Variants in EVPL observed in about 807,000 individuals in gnomAD.
The protein encoded by EVPL is envoplakin, also known as 210 kDa cornified envelope precursor protein.
EVPL carries 94 observed loss-of-function variants against 129.7 expected under a neutral mutation model. The ratio of observed to expected loss-of-function variants is 0.72; its 90% CI spans 0.61 to 0.86. The LOEUF (loss-of-function observed/expected upper bound fraction) is 0.86. Among genes scored for constraint, EVPL ranks in the 40% least tolerant of loss-of-function variants. EVPL has a pLI of 0.00. For synonymous variants in EVPL, 1,172 were observed against 1,191.1 expected (o/e 0.98, Z 0.33); for missense variants, 2,625 against 2,721.1 (o/e 0.96, Z 0.79).
rs747437358 is a variant in EVPL at position 76,015,003 on chromosome 17, TC to T, written c.2134del (p.Glu712SerfsTer23). 1 of 1,596,630 alleles carries T rather than the reference TC, an allele frequency of 6.3e-7. No homozygotes were observed. The part of the protein sequence containing the change: ...ACAALQNNFQ[E>X]FCQDLPRQQR... The stretch of plus-strand genomic sequence containing the variant: ...CTGGCGAGGCAGGTCTTGGCAGAAC[TC>T]CTGGAAGTTGTTCTGCAGGGCAGCG... On this transcript the variant is annotated frameshift_variant, in exon 17 of 22. Transcript: ENST00000301607. LOFTEE classifies it high-confidence loss of function.
rs2066345975 is a variant in EVPL, at chr17:76,008,712, TC to T, written c.4492del (p.Glu1498SerfsTer26). 1 of 1,613,658 alleles carries T rather than the reference TC, an allele frequency of 6.2e-7. No homozygotes were observed. The highest frequency in any genetic ancestry group is 1.3e-5 in the African/African-American group (1 of 74,924). On this transcript the variant is annotated frameshift_variant, in exon 22 of 22. Coordinates refer to ENST00000301607, the MANE Select transcript of EVPL (RefSeq NM_001988.4). LOFTEE classifies it low-confidence loss of function (END_TRUNC). This position sits in a 1 kb window ranked among gnomAD's most constrained non-coding sequence, Gnocchi z 7.4. ...EKTQVTELNRECKNLQVQIDV... is the reference protein window; with the variant it reads ...EKTQVTELNRXCKNLQVQIDV... Reference sequence around the variant, plus strand: ...AATCTGGACCTGCAGGTTCTTGCACTCCCGATTCAGCTCGGTTACCTGGGTC... The same window carrying T: ...AATCTGGACCTGCAGGTTCTTGCACTCCGATTCAGCTCGGTTACCTGGGTC...
rs572832503 is a variant in EVPL at position 76,021,936 on chromosome 17, C to T, written c.738G>A (p.Gln246=). 2.2e-5 allele frequency: 34 copies of T among 1,558,898 alleles called. 1 individual carries two copies. In the African/African-American group the frequency reaches 3.2e-4, roughly 15 times the overall value. ...TRQLSALAEQ[Q]RRILQQDWSD... is the part of the protein sequence containing the mutation. ...TCCAGTCCTGCTGCAGGATGCGGCG[C>T]TGCTGCTCAGCCAGGGCGCTCAGCT... is the stretch of plus-strand genomic sequence containing the variant. Residue 246 remains glutamine, a synonymous_variant, in exon 7 of 22, where the codon CAG becomes CAA. Transcript: ENST00000301607.
In EVPL at chr17:76,018,967, G is replaced by A; in HGVS notation, c.1231C>T (p.Pro411Ser). 1 of 1,565,332 alleles carries A rather than the reference G, an allele frequency of 6.4e-7. No homozygotes were observed. Among genetic ancestry groups the A allele is most frequent in the Non-Finnish European group, 8.6e-7 (1 of 1,160,024 alleles). The change falls in exon 11 of 22, where the codon CCC becomes TCC. Residue 411 changes from proline to serine, a missense_variant. By Grantham distance (74) the Pro-to-Ser change is moderately conservative. Around this residue, in one of 4 missense-constraint regions of EVPL, gnomAD observed 1,024 missense variants for 997.5 expected, o/e 1.03. Transcript: ENST00000301607. ...DVAPLPQRRN[P>S]PQQPLHVDSI... is the part of the protein sequence containing the mutation. ...TCCACGTGCAGGGGCTGCTGAGGGG[G>A]GTTTCTTCGCTGTGGCAGAGGGGCC... is the stretch of plus-strand genomic sequence containing the variant.
rs2066344600 is a variant in EVPL at position 76,008,608 on chromosome 17, C to G, written c.4597G>C (p.Glu1533Gln). The G allele has an allele frequency of 1.9e-6, 3 of 1,612,034 alleles. No homozygotes were observed. The highest frequency in any genetic ancestry group is 1.1e-5 in the South Asian group (1 of 91,092). ...TCCCACACGCGGGCCCGCTCATCTT[C>G]CAGGACGCGGTCCTTCTGCACCCGG... ...VIRVQKDRVLEDERARVWEML... is the reference protein window; with the variant it reads ...VIRVQKDRVLQDERARVWEML... The change falls in exon 22 of 22, where the codon GAA becomes CAA. Residue 1533 changes from glutamate (E) to glutamine (Q), a missense_variant. Glu to Gln is a conservative substitution (Grantham distance 29, BLOSUM62 2). Coordinates refer to ENST00000301607, the MANE Select transcript of EVPL (RefSeq NM_001988.4). This position sits in a 1 kb window ranked among gnomAD's most constrained non-coding sequence, Gnocchi z 7.4.
At position 76,015,113 on chromosome 17, in the gene EVPL, CAGG is replaced by C. The variant is rs1175053723; in HGVS notation, c.2029-7_2029-5del. On this transcript the variant is annotated splice_region_variant and splice_polypyrimidine_tract_variant and intron_variant, in intron 16 of 21. Coordinates refer to ENST00000301607, the MANE Select transcript of EVPL (RefSeq NM_001988.4). ...CCAGCAGCTCCCTCCGCTGGCGCTG[CAGG>C]AGGAGGGGACGCAGCCGTGCACCCT... 1.9e-6 allele frequency: 3 copies of C among 1,571,978 alleles called. No individual in the cohort carries two copies. The highest frequency in any genetic ancestry group is 2.3e-5 in the East Asian group (1 of 44,062).
intron 18 of EVPL, among the ~76,000 whole-genome samples, chr17:76,012,877 C>T (rs550210211): frequency 8.6e-5 from 13 of 151,718 alleles, no homozygotes; most frequent in South Asian, 2.1e-4. Context: ...CTCGAGTAGC[C>T]GGGACTACAG....
At chr17:76,025,711 A>G (rs1358714173) in intron 1 of EVPL, among the ~76,000 whole-genome samples, 2 of 152,162 alleles carry the variant, frequency 1.3e-5, no homozygotes, top group Non-Finnish European at 2.9e-5. Flanking sequence ...CTTGATCCCT[A>G]TCGGGGTAAT....
At chr17:76,016,783 G>A (rs2066421660) in intron 14 of EVPL, among the ~76,000 whole-genome samples, 1 of 152,088 alleles carries the variant, frequency 6.6e-6, no homozygotes, top group African/African-American at 2.4e-5. Context: ...TGTTGTACCT[G>A]TGGTCCCAAC....
intron 18 of EVPL, 39 bp downstream of exon 18, chr17:76,014,387 C>T: frequency 6.3e-7 from 1 of 1,584,378 alleles, no homozygotes; most frequent in South Asian, 1.1e-5. Flanking sequence ...CACTAGGGGG[C>T]CACATGGGCA....
At position 76,013,707 on chromosome 17, in the gene EVPL, T is replaced by C. The variant is rs985697324; in HGVS notation, c.2373+719A>G. 6.6e-6 allele frequency among the ~76,000 whole-genome samples: 1 copy of C among 152,118 alleles called. No homozygotes were observed. The highest frequency in any genetic ancestry group is 6.5e-5 in the Admixed American group (1 of 15,272). ...CCCTTCCCCGGCCAGGCCACCACTC[T>C]CTCTCCGCTGGATTTCCACCCTGGC... On this transcript the variant is annotated intron_variant, in intron 18 of 21. Transcript: ENST00000301607. This position sits in a 1 kb window ranked among gnomAD's most constrained non-coding sequence, Gnocchi z 4.3.
Position 76,027,108 on chromosome 17 carries a change from G to A in EVPL, c.91C>T (p.His31Tyr), listed in dbSNP as rs1250875366. Residue 31 changes from histidine (H) to tyrosine (Y), a missense_variant, in exon 1 of 22, where the codon CAC becomes TAC. By Grantham distance (83) the His-to-Tyr change is moderately conservative. This residue lies in a region of EVPL where 139 missense variants were observed against 186.8 expected (regional missense o/e 0.74). Transcript: ENST00000301607. ...TCCCCCAGTCCCACTTACCGGCTGT[G>A]CCTGCTGGGGGAGCCTTTGGGGGAC... ...KGSPKGSPSR[H>Y]SRAATQELAL... 6 of 1,486,098 alleles carry A rather than the reference G, an allele frequency of 4.0e-6. No homozygotes were observed. The highest frequency in any genetic ancestry group is 1.3e-5 in the South Asian group (1 of 76,878). The allele number at this position is 1,486,098 out of a possible 1,614,324, so 92.1% of individuals were successfully genotyped here. A position where few individuals can be genotyped will look rare whatever the true frequency, so the allele number is the denominator to read the frequency against.
At position 76,008,750 on chromosome 17, in the gene EVPL, C is replaced by A; in HGVS notation, c.4455G>T (p.Leu1485=). ...CGGTTACCTGGGTCTTCTCCTGGTCCAGGTCCCACCGCAGGGCTTCCGTGG... is the reference window on the plus strand; with the variant it reads ...CGGTTACCTGGGTCTTCTCCTGGTCAAGGTCCCACCGCAGGGCTTCCGTGG... The part of the protein sequence containing the change: ...EKSTEALRWD[L]DQEKTQVTEL... Residue 1485 remains leucine, a synonymous_variant, in exon 22 of 22, where the codon CTG becomes CTT. Transcript: ENST00000301607. The surrounding 1 kb of genome is among the most constrained non-coding windows in gnomAD (Gnocchi z 7.4). 6.2e-7 allele frequency: 1 copy of A among 1,614,190 alleles called. No homozygotes were observed. Among genetic ancestry groups the A allele is most frequent in the Non-Finnish European group, 8.5e-7 (1 of 1,180,044 alleles).
intron 21 of EVPL, among the ~76,000 whole-genome samples, chr17:76,011,162 G>T (rs2066373896): frequency 6.6e-6 from 1 of 152,262 alleles, no homozygotes; most frequent in Admixed American, 6.5e-5. Context: ...CCCTGACTGT[G>T]GCCGAGGGTA....
intron 14 of EVPL, among the ~76,000 whole-genome samples, chr17:76,017,232 GT>G (rs1567912679): frequency 6.6e-6 from 1 of 152,138 alleles, no homozygotes; most frequent in African/African-American, 2.4e-5. Flanking sequence ...AAAGAAACTG[GT>G]TTGGAAGGAT....
chr17:76,019,063 G>C lies in EVPL; in HGVS notation c.1138-3C>G. On this transcript the variant is annotated splice_region_variant and splice_polypyrimidine_tract_variant and intron_variant, in intron 10 of 21. Coordinates refer to ENST00000301607, the MANE Select transcript of EVPL (RefSeq NM_001988.4). ...ACGGCCAGCCGTTTTTCCTCTGCCTGCCGGGGGCCCAGGCAGTGGGGGACT... is the reference window on the plus strand; with the variant it reads ...ACGGCCAGCCGTTTTTCCTCTGCCTCCCGGGGGCCCAGGCAGTGGGGGACT... 2 of 1,574,986 alleles carry C rather than the reference G, an allele frequency of 1.3e-6. No individual in the cohort carries two copies. The highest frequency in any genetic ancestry group is 8.6e-7 in the Non-Finnish European group (1 of 1,168,678).
chr17:76,027,060 C>T (rs1434922691), intron 1 of EVPL, 41 bp downstream of exon 1: 1 of 1,205,888 alleles, frequency 8.3e-7, no homozygotes, highest in Non-Finnish European at 1.1e-6. Context: ...GCACCACCCC[C>T]ACCCCAGTTC....
rs193242683 is a variant in EVPL, at chr17:76,020,005, A to C, written c.1012-352T>G. ...CCTAAACCAGCCAAACACAAACCAGATAAACCTAAACCAGCTAAACCTAAA... is the reference window on the plus strand; with the variant it reads ...CCTAAACCAGCCAAACACAAACCAGCTAAACCTAAACCAGCTAAACCTAAA... On this transcript the variant is annotated intron_variant, in intron 9 of 21. Coordinates refer to ENST00000301607, the MANE Select transcript of EVPL (RefSeq NM_001988.4). Among the ~76,000 whole-genome samples the C allele has an allele frequency of 4.0e-5, 6 of 151,194 alleles. No individual in the cohort carries two copies. The East Asian group carries it at 1.2e-3, about 29-fold the overall frequency.
At chr17:76,025,730 C>T (rs1044019402) in intron 1 of EVPL, among the ~76,000 whole-genome samples, 2 of 152,242 alleles carry the variant, frequency 1.3e-5, no homozygotes, top group Non-Finnish European at 1.5e-5. Context: ...ATGGGCACCC[C>T]CACTCCCACA....
intron 14 of EVPL, 101 bp downstream of exon 14, chr17:76,017,638 A>C: frequency 6.7e-7 from 1 of 1,496,224 alleles, no homozygotes; most frequent in Non-Finnish European, 8.9e-7. Context: ...CTCCATCTCC[A>C]TCCCAGCCAC....
Sources: allele counts gnomAD v4.1 joint callset (sites outside exome capture counted in the v4.1 genomes callset), GRCh38; gene constraint gnomAD v4.1.1; regional missense constraint gnomAD v4.1.1; non-coding constraint Gnocchi (gnomAD v3.1); transcripts MANE v1.5; gene names NCBI Gene and HGNC (gene_info 2026-07-23, HGNC 2026-07-21).